MFGE8: variants seen among roughly 807,000 people sequenced by gnomAD.
MFGE8 encodes milk fat globule EGF and factor V/VIII domain containing.
MFGE8 carries 34 observed loss-of-function variants against 42.6 expected under a neutral mutation model. The observed-to-expected ratio is 0.80, with a 90% CI of 0.61 to 1.06. MFGE8 has a LOEUF of 1.06. Ranked by LOEUF, MFGE8 falls within the 50% of genes least tolerant of loss-of-function variation. MFGE8 has a pLI of 0.00. For synonymous variants in MFGE8, 230 were observed against 214.8 expected, an observed-to-expected ratio of 1.07 and a Z score of -0.62; for missense variants, 510 against 516.9, an observed-to-expected ratio of 0.99 and a Z score of 0.13.
At chr15:88,910,108 T>G (rs1479271290) in intron 1 of MFGE8, 185 bp from the exon 2 acceptor site, 4 of 707,024 alleles carry the variant, frequency 5.7e-6, no homozygotes, top group Non-Finnish European at 7.1e-6. Context: ...GAAGTCCATG[T>G]GTAGGCGAAT....
chr15:88,906,449 C>A lies in MFGE8; in HGVS notation c.540+177G>T. The A allele has an allele frequency of 1.4e-6, 1 of 713,544 alleles. No homozygotes were observed. Among genetic ancestry groups the A allele is most frequent in the Non-Finnish European group, 2.5e-6 (1 of 398,102 alleles). 44.2% of individuals were successfully genotyped at this position (713,544 alleles called of 1,614,324 possible). A position where few individuals can be genotyped will look rare whatever the true frequency, so the allele number is the denominator to read the frequency against. ...CTAAAGTGGGACTATTGCTTATAAACCACAGAACATGGACACAGTCTGGGT... is the reference window on the plus strand; with the variant it reads ...CTAAAGTGGGACTATTGCTTATAAAACACAGAACATGGACACAGTCTGGGT... On this transcript the variant is annotated intron_variant, in intron 4 of 7. Coordinates refer to ENST00000268150, the MANE Select transcript of MFGE8 (RefSeq NM_005928.4). The surrounding 1 kb of genome is among the most constrained non-coding windows in gnomAD (Gnocchi z 4.2).
rs139243392 is a variant in MFGE8 at position 88,901,565 on chromosome 15, C to T, written c.856G>A (p.Asp286Asn). The T allele has an allele frequency of 5.3e-5, 74 of 1,397,190 alleles. No homozygotes were observed. Among genetic ancestry groups the T allele is most frequent in the Non-Finnish European group, 6.9e-5 (72 of 1,042,106 alleles). The allele number at this position is 1,397,190 out of a possible 1,614,324, so 86.5% of individuals were successfully genotyped here. A position where few individuals can be genotyped will look rare whatever the true frequency, so the allele number is the denominator to read the frequency against. ...NAWVAGSYGN[D>N]QWLQVDLGSS... ...GGCTGACCCACCTGCAGCCACTGAT[C>T]GTTACCGTAGCTCCCCGCAACCCAG... The change falls in exon 6 of 8, where the codon GAT becomes AAT. Residue 286 changes from aspartate (D) to asparagine (N), a missense_variant. Asp to Asn is a conservative substitution (Grantham distance 23). Transcript: ENST00000268150.
chr15:88,901,175 T>A (rs28641569), intron 6 of MFGE8, among the ~76,000 whole-genome samples: 5,804 of 63,358 alleles, frequency 0.092, 806 homozygotes, highest in Admixed American at 0.12. Context: ...ACACACATTC[T>A]CACACATTCA....
Position 88,906,001 on chromosome 15 carries a change from G to A in MFGE8, c.541-100C>T, listed in dbSNP as rs1215764023. 1.4e-6 allele frequency: 2 copies of A among 1,424,280 alleles called. No homozygotes were observed. The highest frequency in any genetic ancestry group is 9.9e-7 in the Non-Finnish European group (1 of 1,013,608). 88.2% of individuals were successfully genotyped at this position (1,424,280 alleles called of 1,614,324 possible). Reference sequence around the variant, plus strand: ...CTCTTCAGACCTGGGAGGCAGAGGTGGGGCTGGGAGGGTGAAGAGGACTTG... The same window carrying A: ...CTCTTCAGACCTGGGAGGCAGAGGTAGGGCTGGGAGGGTGAAGAGGACTTG... On this transcript the variant is annotated intron_variant, in intron 4 of 7. Transcript: ENST00000268150. This position sits in a 1 kb window ranked among gnomAD's most constrained non-coding sequence, Gnocchi z 4.2.
rs141828748 is a variant in MFGE8, at chr15:88,901,853, G to A, written c.686-118C>T. 1.7e-5 allele frequency: 18 copies of A among 1,031,284 alleles called. No homozygotes were observed. In the African/African-American group the frequency reaches 2.7e-4, roughly 15 times the overall value. 63.9% of individuals were successfully genotyped at this position (1,031,284 alleles called of 1,614,324 possible). A position where few individuals can be genotyped will look rare whatever the true frequency, so the allele number is the denominator to read the frequency against. On this transcript the variant is annotated intron_variant, in intron 5 of 7. Transcript: ENST00000268150. Reference sequence around the variant, plus strand: ...CCTGACCAGCCCCTGTCATGCTCTTGGGCAACAGAAAGCAGCTCCATCCGC... The same window carrying A: ...CCTGACCAGCCCCTGTCATGCTCTTAGGCAACAGAAAGCAGCTCCATCCGC...
At position 88,907,267 on chromosome 15, in the gene MFGE8, C is replaced by T; in HGVS notation, c.315G>A (p.Leu105=). The change falls in exon 3 of 8, where the codon CTG becomes CTA. Residue 105 remains leucine (L), a synonymous_variant. Coordinates refer to ENST00000268150, the MANE Select transcript of MFGE8 (RefSeq NM_005928.4). ...CCATGCCTGCGCGGTTCAGGCGGGCCAGCTCCGGGACCCAATGCTGCAAAC... is the reference window on the plus strand; with the variant it reads ...CCATGCCTGCGCGGTTCAGGCGGGCTAGCTCCGGGACCCAATGCTGCAAAC... ...FLGLQHWVPE[L]ARLNRAGMVN... The T allele has an allele frequency of 1.9e-6, 3 of 1,614,192 alleles. No homozygotes were observed. Among genetic ancestry groups the T allele is most frequent in the Non-Finnish European group, 2.5e-6 (3 of 1,180,034 alleles).
At chr15:88,901,517 A>AAACCAACAAGGCGGGAC in intron 6 of MFGE8, 34 bp downstream of exon 6, 1 of 1,072,616 alleles carries the variant, frequency 9.3e-7, no homozygotes, top group Non-Finnish European at 1.4e-6. Context: ...ATCCCACCCA[A>AAACCAACAAGGCGGGAC]CCCCAGCCCC....
chr15:88,911,976 G>C (rs956196887), intron 1 of MFGE8: 1 of 501,054 alleles, frequency 2.0e-6, no homozygotes, highest in Non-Finnish European at 3.4e-6. Flanking sequence ...TGGCAGGCGG[G>C]GGCGAGCATT....
At position 88,899,864 on chromosome 15, in the gene MFGE8, G is replaced by A. The variant is rs1246597087; in HGVS notation, c.871-53C>T. On this transcript the variant is annotated intron_variant, in intron 6 of 7. Coordinates refer to ENST00000268150, the MANE Select transcript of MFGE8 (RefSeq NM_005928.4). The surrounding 1 kb of genome is among the most constrained non-coding windows in gnomAD (Gnocchi z 6.8). ...CTGCTTGGACCATCTCCAGTAAGGT[G>A]AAAAGAGGCAGACACACTGAGGCAT... 6 of 1,606,798 alleles carry A rather than the reference G, an allele frequency of 3.7e-6. No homozygotes were observed. Among genetic ancestry groups the A allele is most frequent in the Admixed American group, 3.3e-5 (2 of 59,720 alleles).
Position 88,909,844 on chromosome 15 carries a change from G to A in MFGE8, c.153C>T (p.Pro51=). Residue 51 remains proline, a synonymous_variant, in exon 2 of 8, where the codon CCC becomes CCT. Transcript: ENST00000268150. Reference sequence around the variant, plus strand: ...CCTTAAGGCACGTGCAGGTGTACGAGGGGAAGACATCTCCTCGCACTTCTT... The same window carrying A: ...CCTTAAGGCACGTGCAGGTGTACGAAGGGAAGACATCTCCTCGCACTTCTT... ...ISQEVRGDVF[P]SYTCTCLKGY... is the part of the protein sequence containing the mutation. 6.2e-7 allele frequency: 1 copy of A among 1,614,244 alleles called. No homozygotes were observed. The highest frequency in any genetic ancestry group is 1.1e-5 in the South Asian group (1 of 91,080).
chr15:88,905,724 C>T lies in MFGE8; in HGVS notation c.685+33G>A. On this transcript the variant is annotated intron_variant, in intron 5 of 7. Coordinates refer to ENST00000268150, the MANE Select transcript of MFGE8 (RefSeq NM_005928.4). The surrounding 1 kb of genome is among the most constrained non-coding windows in gnomAD (Gnocchi z 6.6). The stretch of plus-strand genomic sequence containing the variant: ...AGGGCCACCTCCTAGGATTGGCCAA[C>T]AGTGCCCCCCTACCCGCACCCCCAG... The T allele has an allele frequency of 6.2e-7, 1 of 1,613,588 alleles. No homozygotes were observed. The highest frequency in any genetic ancestry group is 8.5e-7 in the Non-Finnish European group (1 of 1,179,916).
At chr15:88,908,433 A>C (rs1054947311) in intron 2 of MFGE8, among the ~76,000 whole-genome samples, 1 of 152,184 alleles carries the variant, frequency 6.6e-6, no homozygotes, top group East Asian at 1.9e-4. Flanking sequence ...ACCCTGAAGG[A>C]GTCCAGTGTG....
At chr15:88,900,844 G>T in intron 6 of MFGE8, 1 of 746,992 alleles carries the variant, frequency 1.3e-6, no homozygotes, top group Non-Finnish European at 1.6e-6. Flanking sequence ...TCAAGGGAGA[G>T]GTCCCAAGAT....
At chr15:88,901,517 A>AAACCAACAAAGCTGTCC in intron 6 of MFGE8, 34 bp downstream of exon 6, 1 of 1,072,616 alleles carries the variant, frequency 9.3e-7, no homozygotes, top group Non-Finnish European at 1.4e-6. Context: ...ATCCCACCCA[A>AAACCAACAAAGCTGTCC]CCCCAGCCCC....
At chr15:88,901,018 CAT>C (rs1210143241) in intron 6 of MFGE8, among the ~76,000 whole-genome samples, 13 of 124,896 alleles carry the variant, frequency 1.0e-4, no homozygotes, top group African/African-American at 2.7e-4. Context: ...CACACACACA[CAT>C]TCTCACACAC....
Position 88,901,653 on chromosome 15 carries a change from G to A in MFGE8, c.768C>T (p.Gly256=), listed in dbSNP as rs1596191078. ...ITASSSYKTW[G]LHLFSWNPSY... ...AGGGGTTCCAGCTGAAGAGATGCAAGCCCCAGGTCTTGTAGCTGCTGGAGG... is the reference window on the plus strand; with the variant it reads ...AGGGGTTCCAGCTGAAGAGATGCAAACCCCAGGTCTTGTAGCTGCTGGAGG... Residue 256 remains glycine (G), a synonymous_variant, in exon 6 of 8, where the codon GGC becomes GGT. Transcript: ENST00000268150. 1 of 1,613,936 alleles carries A rather than the reference G, an allele frequency of 6.2e-7. No homozygotes were observed. Among genetic ancestry groups the A allele is most frequent in the East Asian group, 2.2e-5 (1 of 44,862 alleles).
chr15:88,907,173 C>T (rs1162294989), intron 3 of MFGE8, 22 bp downstream of exon 3: 5 of 1,607,750 alleles, frequency 3.1e-6, no homozygotes, highest in Non-Finnish European at 2.5e-6. Flanking sequence ...TTGCCCCGCC[C>T]CAGGGCCATC....
chr15:88,911,767 C>G (rs1446057685), intron 1 of MFGE8, among the ~76,000 whole-genome samples: 1 of 152,110 alleles, frequency 6.6e-6, no homozygotes, highest in East Asian at 1.9e-4. Flanking sequence ...TTTGCCTCCC[C>G]CTCAGAGTCA....
chr15:88,906,516 T>C lies in MFGE8; in HGVS notation c.540+110A>G. ...GCCAAGATGCACCCGAAGACCCACA[T>C]CATAGCCAATCACCTAGGGTTCTCT... On this transcript the variant is annotated intron_variant, in intron 4 of 7. Coordinates refer to ENST00000268150, the MANE Select transcript of MFGE8 (RefSeq NM_005928.4). This position sits in a 1 kb window ranked among gnomAD's most constrained non-coding sequence, Gnocchi z 4.2. 1 of 1,290,988 alleles carries C rather than the reference T, an allele frequency of 7.7e-7. No individual in the cohort carries two copies. The highest frequency in any genetic ancestry group is 2.3e-5 in the East Asian group (1 of 43,268). 80.0% of individuals were successfully genotyped at this position (1,290,988 alleles called of 1,614,324 possible).
Sources: gnomAD v4.1 joint callset for allele counts (sites outside exome capture counted in the v4.1 genomes callset) on GRCh38, gnomAD v4.1.1 for gene constraint, Gnocchi (gnomAD v3.1) non-coding constraint, MANE v1.5 for transcripts, NCBI Gene and HGNC (gene_info 2026-07-23, HGNC 2026-07-21) for gene names.